ZC3H12B: variants seen among roughly 807,000 people sequenced by gnomAD.
The protein encoded by ZC3H12B is probable ribonuclease ZC3H12B.
ZC3H12B carries 7 observed loss-of-function variants against 43.9 expected under a neutral mutation model. That is an observed-to-expected ratio of 0.16 (90% confidence interval 0.09 to 0.30). The LOEUF is 0.30. ZC3H12B is among the 10% of genes least tolerant of loss of function. The pLI is 1.00. For synonymous variants in ZC3H12B, 222 were observed against 241.7 expected, an observed-to-expected ratio of 0.92 and a Z score of 0.76; for missense variants, 475 against 670.2, an observed-to-expected ratio of 0.71 and a Z score of 3.22.
chrX:65,325,506 C>CA, the ZC3H12B span, among the ~76,000 whole-genome samples: 1 of 109,788 alleles, frequency 9.1e-6, no homozygotes, highest in African/African-American at 3.3e-5. Context: ...ATAACTATTC[C>CA]AAAAAATAAA....
At chrX:65,147,651 A>G in the ZC3H12B span, among the ~76,000 whole-genome samples, 1 of 110,839 alleles carries the variant, frequency 9.0e-6, no homozygotes. Context: ...CATGGAGGCA[A>G]TGCTGGGTTT....
the ZC3H12B span, among the ~76,000 whole-genome samples, chrX:65,119,839 G>T: frequency 1.8e-5 from 2 of 111,718 alleles, no homozygotes; most frequent in African/African-American, 6.5e-5. Flanking sequence ...TGTAAGGAAG[G>T]GATCCAGTTT....
At chrX:65,151,893 G>A in the ZC3H12B span, among the ~76,000 whole-genome samples, 1 of 111,598 alleles carries the variant, frequency 9.0e-6, no homozygotes, top group African/African-American at 3.2e-5. Flanking sequence ...ATGATCAAGT[G>A]GGCTTCATCC....
intron 2 of ZC3H12B, among the ~76,000 whole-genome samples, chrX:65,382,174 C>T (rs1255442367): frequency 9.0e-6 from 1 of 111,066 alleles, no homozygotes; most frequent in African/African-American, 3.3e-5. Context: ...GACCAATATG[C>T]TTGATGAACA....
the ZC3H12B span, among the ~76,000 whole-genome samples, chrX:65,233,108 T>C: frequency 1.6e-4 from 18 of 112,199 alleles, no homozygotes; most frequent in South Asian, 7.3e-4. Context: ...AAATATTATC[T>C]ATGCTAAAGA....
chrX:65,193,947 G>C, the ZC3H12B span, among the ~76,000 whole-genome samples: 1 of 111,169 alleles, frequency 9.0e-6, no homozygotes, highest in Non-Finnish European at 1.9e-5. Context: ...GCCTCAGGGA[G>C]CTTTCAATCA....
chrX:65,231,574 C>T, the ZC3H12B span, among the ~76,000 whole-genome samples: 2 of 111,159 alleles, frequency 1.8e-5, no homozygotes, highest in Non-Finnish European at 3.8e-5. Flanking sequence ...CCCAGGAATG[C>T]ATTCCTTCTC....
the ZC3H12B span, among the ~76,000 whole-genome samples, chrX:65,118,189 C>G: frequency 1.8e-5 from 2 of 111,760 alleles, no homozygotes; most frequent in Non-Finnish European, 3.8e-5. Context: ...TCTTCCTAAA[C>G]AGGAGCATGG....
chrX:65,071,781 C>G, the ZC3H12B span, among the ~76,000 whole-genome samples: 22 of 111,791 alleles, frequency 2.0e-4, no homozygotes, highest in Non-Finnish European at 3.4e-4. Context: ...TATTGGCTCC[C>G]AATTTCTTCT....
At chrX:65,189,461 G>T in the ZC3H12B span, among the ~76,000 whole-genome samples, 3 of 105,227 alleles carry the variant, frequency 2.9e-5, no homozygotes, top group Non-Finnish European at 5.8e-5. Flanking sequence ...AGCACCTGTT[G>T]TTTCCTGACT....
At chrX:65,317,379 T>A in the ZC3H12B span, among the ~76,000 whole-genome samples, 1 of 111,077 alleles carries the variant, frequency 9.0e-6, no homozygotes, top group African/African-American at 3.3e-5. Context: ...CCTACTCTTT[T>A]AAATTTTTTT....
At chrX:65,154,131 A>C in the ZC3H12B span, among the ~76,000 whole-genome samples, 1 of 111,569 alleles carries the variant, frequency 9.0e-6, no homozygotes, top group African/African-American at 3.3e-5. Context: ...CCTAATGTTA[A>C]ATGACGAGTT....
chrX:65,090,179 A>C, the ZC3H12B span, among the ~76,000 whole-genome samples: 4 of 112,347 alleles, frequency 3.6e-5, no homozygotes, highest in African/African-American at 9.7e-5. Flanking sequence ...CAGCATCACC[A>C]CAAACATGTG....
chrX:65,054,842 T>G, the ZC3H12B span, among the ~76,000 whole-genome samples: 17 of 111,584 alleles, frequency 1.5e-4, no homozygotes, highest in African/African-American at 4.6e-4. Flanking sequence ...TTATTCTCTT[T>G]GAAGCAATTG....
chrX:65,142,406 C>A, the ZC3H12B span, among the ~76,000 whole-genome samples: 1 of 112,101 alleles, frequency 8.9e-6, no homozygotes, highest in African/African-American at 3.2e-5. Context: ...GATATCATTT[C>A]TTTGTCAGAT....
At chrX:65,141,451 G>C in the ZC3H12B span, among the ~76,000 whole-genome samples, 19 of 108,414 alleles carry the variant, frequency 1.8e-4, no homozygotes, top group Non-Finnish European at 3.1e-4. Context: ...TTATAATAAG[G>C]GTTCTATTTA....
At chrX:65,383,543 G>A (rs1353298272) in intron 2 of ZC3H12B, among the ~76,000 whole-genome samples, 1 of 111,511 alleles carries the variant, frequency 9.0e-6, no homozygotes, top group Non-Finnish European at 1.9e-5. Context: ...ATAGGCTTGG[G>A]CAAGGACTTC....
the ZC3H12B span, among the ~76,000 whole-genome samples, chrX:65,063,372 G>C: frequency 2.7e-5 from 3 of 111,912 alleles, no homozygotes; most frequent in East Asian, 5.6e-4. Context: ...TAGCATGAAG[G>C]CCTGTTGAAT....
the ZC3H12B span, among the ~76,000 whole-genome samples, chrX:65,214,196 C>A: frequency 1.8e-5 from 2 of 110,672 alleles, no homozygotes; most frequent in East Asian, 5.6e-4. Context: ...ATAAGGGTGG[C>A]GGTTGCTCAA....
Sources: allele counts gnomAD v4.1 joint callset (sites outside exome capture counted in the v4.1 genomes callset), GRCh38; gene constraint gnomAD v4.1.1; transcripts MANE v1.5; gene names NCBI Gene and HGNC (gene_info 2026-07-23, HGNC 2026-07-21).